MSRA: variants seen among roughly 807,000 people sequenced by gnomAD.
MSRA encodes mitochondrial peptide methionine sulfoxide reductase.
A neutral mutation model predicts 31.3 loss-of-function variants in MSRA; 54 were observed. The observed-to-expected ratio is 1.73, with a 90% CI of 1.39 to 2.17. The LOEUF (loss-of-function observed/expected upper bound fraction) is 2.17, where lower values mean the gene tolerates loss of function less well. MSRA is among the 30% of genes most tolerant of loss of function. The pLI is 0.00. For synonymous variants in MSRA, 169 were observed against 116.5 expected (o/e 1.45, Z -2.90); for missense variants, 507 against 300.9 (o/e 1.69, Z -5.07).
intron 5 of MSRA, among the ~76,000 whole-genome samples, chr8:10,393,529 G>C (rs1806898212): frequency 6.6e-6 from 1 of 152,214 alleles, no homozygotes; most frequent in Admixed American, 6.5e-5. Context: ...GTGTAGGCAT[G>C]GTGTTGTGAC....
At chr8:10,424,049 G>A (rs990477095) in intron 5 of MSRA, among the ~76,000 whole-genome samples, 8 of 152,312 alleles carry the variant, frequency 5.3e-5, no homozygotes, top group African/African-American at 1.9e-4. Context: ...CAGCGCTGTC[G>A]GGCATTGCGA....
intron 4 of MSRA, among the ~76,000 whole-genome samples, chr8:10,313,688 C>G (rs1801561373): frequency 6.6e-6 from 1 of 152,128 alleles, no homozygotes; most frequent in Non-Finnish European, 1.5e-5. Flanking sequence ...AAAAGCTAAT[C>G]TCGACATTTA....
intron 2 of MSRA, among the ~76,000 whole-genome samples, chr8:10,210,113 T>A (rs961057578): frequency 6.6e-6 from 1 of 152,160 alleles, no homozygotes; most frequent in Non-Finnish European, 1.5e-5. Context: ...TTCTGGGTTG[T>A]TTATCACTGC....
chr8:10,136,881 C>T (rs901568923), intron 1 of MSRA, among the ~76,000 whole-genome samples: 2 of 152,220 alleles, frequency 1.3e-5, no homozygotes, highest in African/African-American at 2.4e-5. Flanking sequence ...TCTCCACATC[C>T]CTGTACTCAG....
chr8:10,118,560 C>T (rs972616613), intron 1 of MSRA, among the ~76,000 whole-genome samples: 5 of 152,142 alleles, frequency 3.3e-5, no homozygotes, highest in African/African-American at 1.2e-4. Flanking sequence ...CAACATTCTT[C>T]AGAACCTGAC....
At chr8:10,215,076 G>T (rs1398606452) in intron 2 of MSRA, among the ~76,000 whole-genome samples, 1 of 152,182 alleles carries the variant, frequency 6.6e-6, no homozygotes, top group East Asian at 1.9e-4. Context: ...CTGTAGGTTG[G>T]AGGATGGCAC....
chr8:10,304,575 G>A (rs1422804198), intron 4 of MSRA, among the ~76,000 whole-genome samples: 1 of 152,202 alleles, frequency 6.6e-6, no homozygotes, highest in Non-Finnish European at 1.5e-5. Context: ...TTTTTCCAAG[G>A]TCAGAATTTG....
intron 1 of MSRA, among the ~76,000 whole-genome samples, chr8:10,092,411 C>A (rs965863774): frequency 6.6e-6 from 1 of 152,260 alleles, no homozygotes; most frequent in East Asian, 1.9e-4. Context: ...GTAATCCCAG[C>A]AGTTTGGGAG....
chr8:10,208,850 T>C (rs1052923661), intron 2 of MSRA, among the ~76,000 whole-genome samples: 4 of 152,230 alleles, frequency 2.6e-5, no homozygotes, highest in Admixed American at 1.3e-4. Context: ...GTAATCTCCT[T>C]TGAGGGTACA....
At chr8:10,163,444 C>T (rs1040992361) in intron 1 of MSRA, among the ~76,000 whole-genome samples, 4 of 152,158 alleles carry the variant, frequency 2.6e-5, no homozygotes, top group African/African-American at 4.8e-5. Flanking sequence ...AATCAGCTGC[C>T]GCTGCTTGGC....
intron 3 of MSRA, among the ~76,000 whole-genome samples, chr8:10,261,796 G>T (rs1017947753): frequency 5.3e-5 from 8 of 152,166 alleles, no homozygotes; most frequent in African/African-American, 1.9e-4. Flanking sequence ...TATAATACGT[G>T]TATCTACCAT....
At chr8:10,193,692 C>T (rs893469335) in intron 1 of MSRA, among the ~76,000 whole-genome samples, 2 of 152,124 alleles carry the variant, frequency 1.3e-5, no homozygotes, top group Non-Finnish European at 2.9e-5. Flanking sequence ...CTGTCTGTGT[C>T]GTGTGTAGAA....
intron 1 of MSRA, among the ~76,000 whole-genome samples, chr8:10,178,363 G>A (rs2034126784): frequency 6.6e-6 from 1 of 152,012 alleles, no homozygotes; most frequent in South Asian, 2.1e-4. Flanking sequence ...GCCTAGGAGG[G>A]GAGATCACTT....
chr8:10,116,568 A>C (rs992825717), intron 1 of MSRA, among the ~76,000 whole-genome samples: 4 of 152,198 alleles, frequency 2.6e-5, no homozygotes, highest in Non-Finnish European at 5.9e-5. Context: ...TAAGTAGACA[A>C]ATCACTTGGA....
intron 5 of MSRA, among the ~76,000 whole-genome samples, chr8:10,393,755 T>C (rs11249999): frequency 0.29 from 44,815 of 152,168 alleles, 7,371 homozygotes; most frequent in Non-Finnish European, 0.37. Flanking sequence ...GTGGTTGTTA[T>C]ACAGGTACAG....
intron 1 of MSRA, among the ~76,000 whole-genome samples, chr8:10,172,343 G>T (rs1271617387): frequency 6.6e-6 from 1 of 152,186 alleles, no homozygotes; most frequent in African/African-American, 2.4e-5. Context: ...GCAAAAGCCA[G>T]AAAAGATGGG....
chr8:10,108,737 T>C (rs950418403), intron 1 of MSRA, among the ~76,000 whole-genome samples: 3 of 152,186 alleles, frequency 2.0e-5, no homozygotes, highest in African/African-American at 7.2e-5. Context: ...CTAGCACTTA[T>C]CAGAAATGCC....
chr8:10,122,413 G>T (rs1801190095), intron 1 of MSRA, among the ~76,000 whole-genome samples: 2 of 152,168 alleles, frequency 1.3e-5, no homozygotes, highest in Admixed American at 1.3e-4. Context: ...AGGATTTCTG[G>T]ATTGTTTTTT....
intron 5 of MSRA, among the ~76,000 whole-genome samples, chr8:10,416,250 C>T (rs1003548019): frequency 5.9e-5 from 9 of 152,194 alleles, no homozygotes; most frequent in African/African-American, 1.9e-4. Context: ...ACAGCCAGTG[C>T]GCAATAACAA....
Sources: allele counts gnomAD v4.1 joint callset (sites outside exome capture counted in the v4.1 genomes callset), GRCh38; gene constraint gnomAD v4.1.1; transcripts MANE v1.5; gene names NCBI Gene and HGNC (gene_info 2026-07-23, HGNC 2026-07-21).